Variants in AGBL1 observed in about 807,000 individuals in gnomAD.
The protein encoded by AGBL1 is AGBL carboxypeptidase 1.
Under a neutral mutation model 118.9 loss-of-function variants are expected in AGBL1, and 130 were observed. That is an observed-to-expected ratio of 1.09 (90% confidence interval 0.95 to 1.26). The LOEUF (loss-of-function observed/expected upper bound fraction) is 1.26. AGBL1 is among the 50% of genes most tolerant of loss of function. The probability of loss-of-function intolerance (pLI) is 0.00; values close to 1 mark genes in which losing one functional copy is unlikely to be tolerated. For missense variants in AGBL1, 1,584 were observed against 1,298.1 expected (o/e 1.22, Z -3.38); for synonymous variants, 555 against 478.9 (o/e 1.16, Z -2.08).
At chr15:86,533,625 T>G (rs1352469974) in intron 19 of AGBL1, among the ~76,000 whole-genome samples, 6 of 135,136 alleles carry the variant, frequency 4.4e-5, no homozygotes, top group South Asian at 5.0e-4. Context: ...TATACCCAAA[T>G]GACTATAAAT....
chr15:86,842,966 G>T (rs951368682), intron 22 of AGBL1, among the ~76,000 whole-genome samples: 1 of 152,062 alleles, frequency 6.6e-6, no homozygotes, highest in Non-Finnish European at 1.5e-5. Flanking sequence ...AACTCCTCCA[G>T]CCTATGTAAT....
At chr15:86,858,976 C>T (rs1567210798) in intron 22 of AGBL1, among the ~76,000 whole-genome samples, 1 of 152,316 alleles carries the variant, frequency 6.6e-6, no homozygotes, top group Middle Eastern at 3.4e-3. Flanking sequence ...AAAAAGGCTA[C>T]TTACCTTTCC....
At chr15:86,814,327 C>T (rs555733983) in intron 22 of AGBL1, among the ~76,000 whole-genome samples, 1 of 152,310 alleles carries the variant, frequency 6.6e-6, no homozygotes, top group Admixed American at 6.5e-5. Context: ...CCATTCCCTC[C>T]ACTCTACCAT....
chr15:86,141,073 C>T (rs968241685), intron 1 of AGBL1, among the ~76,000 whole-genome samples: 3 of 152,136 alleles, frequency 2.0e-5, no homozygotes, highest in African/African-American at 4.8e-5. Flanking sequence ...GTGCAAAGAG[C>T]GCTGGCCTGA....
chr15:86,742,185 G>A (rs537075794), intron 22 of AGBL1, among the ~76,000 whole-genome samples: 3 of 152,184 alleles, frequency 2.0e-5, no homozygotes, highest in Admixed American at 2.0e-4. Context: ...GACCCAGACT[G>A]CAAAGGACCA....
At chr15:86,681,083 G>A (rs551698015) in intron 22 of AGBL1, among the ~76,000 whole-genome samples, 7 of 152,040 alleles carry the variant, frequency 4.6e-5, no homozygotes, top group South Asian at 4.2e-4. Context: ...GCCACCCCAC[G>A]TCTTCATTTA....
intron 17 of AGBL1, among the ~76,000 whole-genome samples, chr15:86,326,427 T>C (rs975173015): frequency 6.6e-6 from 1 of 152,330 alleles, no homozygotes; most frequent in Admixed American, 6.5e-5. Flanking sequence ...GTATAGAGAA[T>C]GATTTTCAGT....
At chr15:86,302,899 G>T (rs186006983) in intron 17 of AGBL1, among the ~76,000 whole-genome samples, 1 of 152,124 alleles carries the variant, frequency 6.6e-6, no homozygotes, top group South Asian at 2.1e-4. Context: ...ATGATAGGTA[G>T]CCTTCTTTTT....
intron 22 of AGBL1, among the ~76,000 whole-genome samples, chr15:86,790,696 A>G (rs1369325959): frequency 2.0e-5 from 3 of 152,186 alleles, no homozygotes; most frequent in Admixed American, 6.6e-5. Context: ...GAATTTAGCA[A>G]CTTACTCTCA....
At chr15:86,662,205 G>A (rs1181245194) in intron 21 of AGBL1, among the ~76,000 whole-genome samples, 1 of 152,218 alleles carries the variant, frequency 6.6e-6, no homozygotes, top group Admixed American at 6.5e-5. Context: ...ACATATCTGT[G>A]ATCTGTGCAT....
intron 18 of AGBL1, among the ~76,000 whole-genome samples, chr15:86,407,802 C>A (rs895665978): frequency 6.6e-6 from 1 of 152,156 alleles, no homozygotes; most frequent in Non-Finnish European, 1.5e-5. Context: ...GTGGATCCTT[C>A]CAAGCTGGAT....
intron 17 of AGBL1, among the ~76,000 whole-genome samples, chr15:86,355,257 G>A (rs2080694793): frequency 6.6e-6 from 1 of 152,246 alleles, no homozygotes; most frequent in South Asian, 2.1e-4. Flanking sequence ...AGGTATATAT[G>A]TTCTTCTTTA....
intron 22 of AGBL1, among the ~76,000 whole-genome samples, chr15:86,763,938 G>A (rs929330526): frequency 2.0e-5 from 3 of 152,026 alleles, no homozygotes; most frequent in African/African-American, 7.2e-5. Flanking sequence ...GTGAATATCT[G>A]GAGATACAGA....
At chr15:86,941,932 T>C (rs751555493) in intron 23 of AGBL1, among the ~76,000 whole-genome samples, 13 of 152,136 alleles carry the variant, frequency 8.5e-5, no homozygotes, top group Non-Finnish European at 1.8e-4. Context: ...GAAAAAGAGT[T>C]AAGATTGCAG....
intron 22 of AGBL1, among the ~76,000 whole-genome samples, chr15:86,758,779 C>T (rs1336192353): frequency 6.6e-6 from 1 of 151,536 alleles, no homozygotes; most frequent in African/African-American, 2.4e-5. Flanking sequence ...TGAGACTAGC[C>T]TGGGCAACAT....
intron 22 of AGBL1, among the ~76,000 whole-genome samples, chr15:86,839,335 G>T (rs2079214421): frequency 6.6e-6 from 1 of 152,166 alleles, no homozygotes; most frequent in Non-Finnish European, 1.5e-5. Context: ...GTAATCGTCA[G>T]ACAAGCAACT....
chr15:86,975,940 T>G (rs2081172535), intron 23 of AGBL1, among the ~76,000 whole-genome samples: 1 of 152,156 alleles, frequency 6.6e-6, no homozygotes, highest in African/African-American at 2.4e-5. Flanking sequence ...CAGAGCAGTT[T>G]AACTTCATAC....
chr15:86,741,579 G>T (rs1013450804), intron 22 of AGBL1, among the ~76,000 whole-genome samples: 1 of 151,832 alleles, frequency 6.6e-6, no homozygotes, highest in Non-Finnish European at 1.5e-5. Flanking sequence ...TCATAGTTCT[G>T]CATGTTGATG....
intron 3 of AGBL1, among the ~76,000 whole-genome samples, chr15:86,150,591 G>C (rs1386657185): frequency 6.6e-6 from 1 of 152,152 alleles, no homozygotes; most frequent in Non-Finnish European, 1.5e-5. Flanking sequence ...TTGAATCTCT[G>C]AATAGACCAA....
Sources: gnomAD v4.1 joint callset for allele counts (sites outside exome capture counted in the v4.1 genomes callset) on GRCh38, gnomAD v4.1.1 for gene constraint, MANE v1.5 for transcripts, NCBI Gene and HGNC (gene_info 2026-07-23, HGNC 2026-07-21) for gene names.